The following CIT variants were observed in gnomAD, a reference collection of about 807,000 sequenced individuals.
The protein encoded by CIT is citron rho-interacting serine/threonine kinase, also known as citron Rho-interacting kinase.
In CIT, 79 loss-of-function variants were observed where a neutral mutation model predicts 272.7. The observed-to-expected ratio is 0.29, with a 90% CI of 0.24 to 0.35. The LOEUF (loss-of-function observed/expected upper bound fraction) is 0.35, where lower values mean the gene tolerates loss of function less well. Ranked by LOEUF, CIT falls within the 10% of genes least tolerant of loss-of-function variation. CIT has a pLI of 1.00. For missense variants in CIT, 1,909 were observed against 2,618.3 expected (o/e 0.73, Z 5.91); for synonymous variants, 948 against 995.6 (o/e 0.95, Z 0.90).
chr12:119,867,484 A>G (rs78176715), intron 3 of CIT, among the ~76,000 whole-genome samples: 7,547 of 152,238 alleles, frequency 0.05, 334 homozygotes, highest in African/African-American at 0.12. Context: ...CACCGCGCCC[A>G]GCCACAGTGA....
At chr12:119,872,953 T>C (rs772046434) in intron 2 of CIT, among the ~76,000 whole-genome samples, 3 of 150,684 alleles carry the variant, frequency 2.0e-5, no homozygotes, top group Non-Finnish European at 4.4e-5. Flanking sequence ...CACACCGCCA[T>C]GCCTGACTAA....
rs1003306378 is a variant in CIT, at chr12:119,768,610, A to G, written c.2209-1428T>C. ...CATTGGCTTTGCTCTGAGGGCAATTAAAGTTCAATCTTAAGACCAGGTGCA... is the reference window on the plus strand; with the variant it reads ...CATTGGCTTTGCTCTGAGGGCAATTGAAGTTCAATCTTAAGACCAGGTGCA... On this transcript the variant is annotated intron_variant, in intron 18 of 47. Transcript: ENST00000392521. This position sits in a 1 kb window ranked among gnomAD's most constrained non-coding sequence, Gnocchi z 4.3. Among the ~76,000 whole-genome samples, 2 of 152,224 alleles carry G rather than the reference A, an allele frequency of 1.3e-5. No individual in the cohort carries two copies. The highest frequency in any genetic ancestry group is 2.9e-5 in the Non-Finnish European group (2 of 68,038).
chr12:119,833,118 A>G (rs1968759460), intron 6 of CIT, among the ~76,000 whole-genome samples: 1 of 152,124 alleles, frequency 6.6e-6, no homozygotes, highest in African/African-American at 2.4e-5. Flanking sequence ...ATAGGAGAGA[A>G]AGAAAAGGAA....
Position 119,712,793 on chromosome 12 carries a change from C to G in CIT, c.4580-98G>C. 1 of 972,014 alleles carries G rather than the reference C, an allele frequency of 1.0e-6. No individual in the cohort carries two copies. Among genetic ancestry groups the G allele is most frequent in the South Asian group, 1.4e-5 (1 of 69,226 alleles). 60.2% of individuals were successfully genotyped at this position (972,014 alleles called of 1,614,324 possible). A position where few individuals can be genotyped will look rare whatever the true frequency, so the allele number is the denominator to read the frequency against. ...AGAGAGACAGCAAGGGAGAGAGAGA[C>G]AGGGTACGTGTGTAAAGAGAGGCGC... On this transcript the variant is annotated intron_variant, in intron 35 of 47. Coordinates refer to ENST00000392521, the MANE Select transcript of CIT (RefSeq NM_001206999.2). The surrounding 1 kb of genome is among the most constrained non-coding windows in gnomAD (Gnocchi z 5.2).
Position 119,834,120 on chromosome 12 carries a change from C to T in CIT, c.625G>A (p.Val209Ile). Residue 209 changes from valine (V) to isoleucine (I), a missense_variant, in exon 6 of 48, where the codon GTT becomes ATT. Around this residue, in one of 8 missense-constraint regions of CIT, gnomAD observed 529 missense variants for 549.6 expected, o/e 0.96. Transcript: ENST00000392521. The part of the protein sequence containing the change: ...QFYLAELILA[V>I]HSVHLMGYVH... The stretch of plus-strand genomic sequence containing the variant: ...TATCCCATCAGATGAACGCTGTGAA[C>T]AGCCAAAATCAGCTCAGCTAGGTAA... 6.2e-7 allele frequency: 1 copy of T among 1,613,954 alleles called. No homozygotes were observed.
intron 28 of CIT, among the ~76,000 whole-genome samples, chr12:119,726,202 C>T (rs889262375): frequency 2.6e-5 from 4 of 151,680 alleles, no homozygotes; most frequent in African/African-American, 9.7e-5. Flanking sequence ...AAACTCCCAC[C>T]CATATTTTTC....
rs1960345437 is a variant in CIT, at chr12:119,752,141, G to A, written c.2813C>T (p.Ala938Val). Residue 938 changes from alanine to valine, a missense_variant, in exon 23 of 48, where the codon GCA becomes GTA. Physicochemically the swap from Ala to Val is moderately conservative, Grantham distance 64. Transcript: ENST00000392521. ...RESQLTALQA[A>V]RAALESQLRQ... ...AAGCTGGCTCTCCAGGGCCGCCCGTGCAGCCTGCAGGGCTGTCAACTGTGA... is the reference window on the plus strand; with the variant it reads ...AAGCTGGCTCTCCAGGGCCGCCCGTACAGCCTGCAGGGCTGTCAACTGTGA... 6.2e-7 allele frequency: 1 copy of A among 1,612,968 alleles called. No homozygotes were observed. Among genetic ancestry groups the A allele is most frequent in the Non-Finnish European group, 8.5e-7 (1 of 1,180,018 alleles).
chr12:119,734,539 C>G, intron 25 of CIT, 182 bp from the exon 26 acceptor site: 1 of 652,220 alleles, frequency 1.5e-6, no homozygotes. Context: ...GTTCTGCAGC[C>G]ACCTTAGAGG....
At chr12:119,782,665 A>T (rs1964406614) in intron 12 of CIT, 28 bp from the exon 13 acceptor site, 1 of 1,612,656 alleles carries the variant, frequency 6.2e-7, no homozygotes, top group South Asian at 1.1e-5. Flanking sequence ...TTTAATAGGG[A>T]TGCCCTGTGG....
intron 5 of CIT, among the ~76,000 whole-genome samples, chr12:119,836,314 A>AAAAAAG (rs1969012467): frequency 8.1e-4 from 120 of 147,676 alleles, no homozygotes; most frequent in African/African-American, 2.8e-3. Context: ...AAAAAAAAAA[A>AAAAAAG]TTATGAACAA....
At position 119,784,269 on chromosome 12, in the gene CIT, C is replaced by A. The variant is rs1964561245; in HGVS notation, c.1402-218G>T. ...CTAAGTCACTCCTCTCATTCAAGTC[C>A]CGGTTCACACTTGATCACTTCTCTA... On this transcript the variant is annotated intron_variant, in intron 11 of 47. Coordinates refer to ENST00000392521, the MANE Select transcript of CIT (RefSeq NM_001206999.2). The surrounding 1 kb of genome is among the most constrained non-coding windows in gnomAD (Gnocchi z 4.7). The A allele has an allele frequency of 6.4e-7, 1 of 1,571,686 alleles. No individual in the cohort carries two copies. The highest frequency in any genetic ancestry group is 1.3e-5 in the African/African-American group (1 of 74,114).
At chr12:119,817,680 C>G (rs1276441538) in intron 9 of CIT, among the ~76,000 whole-genome samples, 4 of 152,070 alleles carry the variant, frequency 2.6e-5, no homozygotes, top group African/African-American at 9.7e-5. Flanking sequence ...AGGGCCATAC[C>G]CAAATGTGTT....
At chr12:119,773,020 A>AG in intron 16 of CIT, 110 bp from the exon 17 acceptor site, 1 of 1,061,218 alleles carries the variant, frequency 9.4e-7, no homozygotes, top group Non-Finnish European at 1.3e-6. Flanking sequence ...AATCTAAAAA[A>AG]AAAAAAAAAA....
chr12:119,853,434 G>GT lies in CIT; in HGVS notation c.415-3160dup, dbSNP rs573834972. Among the ~76,000 whole-genome samples the GT allele has an allele frequency of 5.8e-3, 854 of 147,062 alleles. 7 individuals carry two copies. Among genetic ancestry groups the GT allele is most frequent in the African/African-American group, 0.021 (795 of 38,404 alleles). Reference sequence around the variant, plus strand: ...TTACAGGGGATTTGTTTATTTGTTTGTTTGTTTGTTTTGTTTTGTTTTGTT... The same window carrying GT: ...TTACAGGGGATTTGTTTATTTGTTTGTTTTGTTTGTTTTGTTTTGTTTTGTT... On this transcript the variant is annotated intron_variant, in intron 4 of 47. Coordinates refer to ENST00000392521, the MANE Select transcript of CIT (RefSeq NM_001206999.2).
At chr12:119,700,964 T>G in intron 43 of CIT, 139 bp from the exon 44 acceptor site, 1 of 541,444 alleles carries the variant, frequency 1.8e-6, no homozygotes, top group Non-Finnish European at 3.3e-6. Context: ...CCAGAGGCCC[T>G]CTGCTGAGCC....
At chr12:119,854,834 C>T (rs1970480964) in intron 4 of CIT, among the ~76,000 whole-genome samples, 1 of 152,050 alleles carries the variant, frequency 6.6e-6, no homozygotes, top group Admixed American at 6.6e-5. Flanking sequence ...GCCTGTAATC[C>T]CAGCTATTCA....
At chr12:119,719,172 G>T (rs1354325097) in intron 30 of CIT, among the ~76,000 whole-genome samples, 1 of 152,114 alleles carries the variant, frequency 6.6e-6, no homozygotes, top group African/African-American at 2.4e-5. Flanking sequence ...TTCAAAAAAT[G>T]GAATCAGGAG....
Position 119,758,677 on chromosome 12 carries a change from C to T in CIT, c.2445G>A (p.Lys815=). Residue 815 remains lysine (K), a synonymous_variant, in exon 21 of 48, where the codon AAG becomes AAA. Transcript: ENST00000392521. ...QKAMINAMDS[K]IRSLEQRIVE... is the part of the protein sequence containing the mutation. ...CAATCCTCTGTTCCAGGGATCTGAT[C>T]TTGGAATCCATAGCATTGATCATCT... 1 of 1,613,486 alleles carries T rather than the reference C, an allele frequency of 6.2e-7. No individual in the cohort carries two copies. Among genetic ancestry groups the T allele is most frequent in the Non-Finnish European group, 8.5e-7 (1 of 1,179,404 alleles).
chr12:119,717,049 C>T (rs1339131753), intron 32 of CIT, among the ~76,000 whole-genome samples: 1 of 152,118 alleles, frequency 6.6e-6, no homozygotes, highest in African/African-American at 2.4e-5. Flanking sequence ...GATAAGCTTA[C>T]GTTTTCTTGT....
Sources: gnomAD v4.1 joint callset for allele counts (sites outside exome capture counted in the v4.1 genomes callset) on GRCh38, gnomAD v4.1.1 for gene constraint, gnomAD v4.1.1 regional missense constraint, Gnocchi (gnomAD v3.1) non-coding constraint, MANE v1.5 for transcripts, NCBI Gene and HGNC (gene_info 2026-07-23, HGNC 2026-07-21) for gene names.